PRKCB: variants seen among roughly 807,000 people sequenced by gnomAD.
PRKCB encodes protein kinase C beta.
In PRKCB, 13 loss-of-function variants were observed where a neutral mutation model predicts 81.5. The ratio of observed to expected loss-of-function variants is 0.16; its 90% CI spans 0.10 to 0.25. The LOEUF (loss-of-function observed/expected upper bound fraction) is 0.25. Among genes scored for constraint, PRKCB ranks in the 10% least tolerant of loss-of-function variants. The probability of loss-of-function intolerance (pLI) is 1.00; values close to 1 mark genes in which losing one functional copy is unlikely to be tolerated. For missense variants in PRKCB, 509 were observed against 875.7 expected (o/e 0.58, Z 5.29); for synonymous variants, 335 against 321.4 (o/e 1.04, Z -0.45).
intron 8 of PRKCB, among the ~76,000 whole-genome samples, chr16:24,119,192 C>A (rs1966769220): frequency 6.6e-6 from 1 of 151,504 alleles, no homozygotes; most frequent in Non-Finnish European, 1.5e-5. Context: ...ATTAACATGC[C>A]CATGAGAAAA....
chr16:23,884,029 G>T (rs749256492), intron 2 of PRKCB, among the ~76,000 whole-genome samples: 5 of 152,082 alleles, frequency 3.3e-5, no homozygotes, highest in Non-Finnish European at 7.4e-5. Context: ...TTACTTCCCC[G>T]CATAGCAAGT....
intron 5 of PRKCB, among the ~76,000 whole-genome samples, chr16:24,076,569 C>T (rs894938671): frequency 2.0e-5 from 3 of 152,138 alleles, no homozygotes; most frequent in African/African-American, 4.8e-5. Context: ...GGATGACTCA[C>T]GTCTAGCTGC....
intron 16 of PRKCB, among the ~76,000 whole-genome samples, chr16:24,212,402 TAAAAAAA>T (rs35650101): frequency 1.0e-5 from 1 of 97,170 alleles, no homozygotes; most frequent in Admixed American, 1.2e-4. Flanking sequence ...TTCTGTGCTT[TAAAAAAA>T]AAAAAAAAAA....
At chr16:24,213,938 G>T (rs1038488746) in intron 16 of PRKCB, among the ~76,000 whole-genome samples, 3 of 152,128 alleles carry the variant, frequency 2.0e-5, no homozygotes, top group Admixed American at 6.5e-5. Context: ...ACCAAACAAT[G>T]GTTTGTATTT....
intron 3 of PRKCB, among the ~76,000 whole-genome samples, chr16:24,023,916 G>A (rs1329886380): frequency 6.6e-6 from 1 of 152,156 alleles, no homozygotes; most frequent in Non-Finnish European, 1.5e-5. Flanking sequence ...GGCAGTCCCT[G>A]AGCCAAGGCA....
At position 23,857,190 on chromosome 16, in the gene PRKCB, A is replaced by G. The variant is rs141652141; in HGVS notation, c.205+19784A>G. On this transcript the variant is annotated intron_variant, in intron 2 of 16. Transcript: ENST00000643927. ...ATAAGAGGTTTTTAGAAATGGAATG[A>G]TTGGTTTTGGCGGAACTGCCTGGCC... 8.0e-3 allele frequency among the ~76,000 whole-genome samples: 1,217 copies of G among 152,244 alleles called. 7 individuals carry two copies. The highest frequency in any genetic ancestry group is 0.013 in the Non-Finnish European group (861 of 68,020).
intron 8 of PRKCB, among the ~76,000 whole-genome samples, chr16:24,121,629 C>T (rs1319332180): frequency 6.6e-6 from 1 of 152,166 alleles, no homozygotes; most frequent in African/African-American, 2.4e-5. Context: ...CTGCCTCAGC[C>T]TTCCAAAGCT....
At chr16:23,938,073 T>G (rs2141765078) in intron 2 of PRKCB, among the ~76,000 whole-genome samples, 1 of 152,254 alleles carries the variant, frequency 6.6e-6, no homozygotes, top group Admixed American at 6.5e-5. Flanking sequence ...AGTTCTGCCC[T>G]CCAACCATGG....
chr16:24,040,049 G>T (rs530506171), intron 5 of PRKCB, among the ~76,000 whole-genome samples: 1 of 152,166 alleles, frequency 6.6e-6, no homozygotes, highest in Non-Finnish European at 1.5e-5. Context: ...GGACACTGCC[G>T]TTTGCCCTGA....
chr16:23,905,353 A>C (rs1963542942), intron 2 of PRKCB, among the ~76,000 whole-genome samples: 1 of 152,248 alleles, frequency 6.6e-6, no homozygotes, highest in South Asian at 2.1e-4. Context: ...TACAACACAC[A>C]GTAGCTTGAA....
intron 5 of PRKCB, among the ~76,000 whole-genome samples, chr16:24,081,914 G>A (rs1227992027): frequency 6.6e-6 from 1 of 151,834 alleles, no homozygotes; most frequent in Non-Finnish European, 1.5e-5. Flanking sequence ...ATATGGAATG[G>A]AAAGGAAAAA....
chr16:24,172,478 A>G, intron 11 of PRKCB, 117 bp downstream of exon 11: 1 of 765,508 alleles, frequency 1.3e-6, no homozygotes, highest in Non-Finnish European at 2.2e-6. Flanking sequence ...ATCTTTTTGA[A>G]AAAATATTTA....
chr16:24,022,915 C>T (rs1257048989), intron 3 of PRKCB, among the ~76,000 whole-genome samples: 3 of 152,214 alleles, frequency 2.0e-5, no homozygotes, highest in African/African-American at 7.2e-5. Context: ...TTCTGGGTTC[C>T]ACACTGTGGC....
At chr16:23,886,406 GTTTTTTTTTTT>G (rs398029038) in intron 2 of PRKCB, among the ~76,000 whole-genome samples, 8 of 70,218 alleles carry the variant, frequency 1.1e-4, no homozygotes, top group Middle Eastern at 7.2e-3. Context: ...TGTGTTAGGT[GTTTTTTTTTTT>G]TTTTTTTTTT....
intron 3 of PRKCB, among the ~76,000 whole-genome samples, chr16:24,025,103 T>C (rs1965458841): frequency 6.6e-6 from 1 of 152,170 alleles, no homozygotes; most frequent in South Asian, 2.1e-4. Context: ...AAGAAGTCAA[T>C]GTTTCCCTGC....
chr16:24,080,570 A>G (rs1966237301), intron 5 of PRKCB, among the ~76,000 whole-genome samples: 1 of 152,198 alleles, frequency 6.6e-6, no homozygotes, highest in African/African-American at 2.4e-5. Context: ...TAGCGTACAT[A>G]TGGGACATCC....
intron 12 of PRKCB, among the ~76,000 whole-genome samples, chr16:24,179,210 G>A (rs1206557787): frequency 2.0e-5 from 3 of 152,222 alleles, no homozygotes; most frequent in South Asian, 4.1e-4. Context: ...ACTGTGACCA[G>A]CAGGATGGAA....
chr16:24,078,375 C>T (rs1249240662), intron 5 of PRKCB, among the ~76,000 whole-genome samples: 2 of 152,198 alleles, frequency 1.3e-5, no homozygotes, highest in Non-Finnish European at 2.9e-5. Flanking sequence ...TGGTAAACCT[C>T]GTCTGTCCTT....
intron 7 of PRKCB, among the ~76,000 whole-genome samples, chr16:24,105,273 T>A (rs150908711): frequency 6.6e-6 from 1 of 152,264 alleles, no homozygotes; most frequent in Non-Finnish European, 1.5e-5. Context: ...GCCAGGCTGG[T>A]CTCGAACTCC....
Sources: gnomAD v4.1 joint callset for allele counts (sites outside exome capture counted in the v4.1 genomes callset) on GRCh38, gnomAD v4.1.1 for gene constraint, MANE v1.5 for transcripts, NCBI Gene and HGNC (gene_info 2026-07-23, HGNC 2026-07-21) for gene names.